The following PHF21B variants were observed in gnomAD, a reference collection of about 807,000 sequenced individuals.
PHF21B encodes the protein PHD finger protein 21B.
Under a neutral mutation model 62.2 loss-of-function variants are expected in PHF21B, and 22 were observed. The ratio of observed to expected loss-of-function variants is 0.35; its 90% CI spans 0.25 to 0.51. The LOEUF (loss-of-function observed/expected upper bound fraction) is 0.51, where lower values mean the gene tolerates loss of function less well. Among genes scored for constraint, PHF21B ranks in the 20% least tolerant of loss-of-function variants. PHF21B has a pLI of 0.97. For missense variants in PHF21B, 701 were observed against 707.9 expected, an observed-to-expected ratio of 0.99 and a Z score of 0.11; for synonymous variants, 341 against 314.7, an observed-to-expected ratio of 1.08 and a Z score of -0.88.
intron 2 of PHF21B, among the ~76,000 whole-genome samples, chr22:44,933,270 C>A (rs904559204): frequency 3.3e-5 from 5 of 152,202 alleles, no homozygotes; most frequent in Admixed American, 1.3e-4. Context: ...TGCCACCACG[C>A]CTGGCTAATT....
chr22:44,894,739 G>A (rs2071026924), intron 6 of PHF21B, among the ~76,000 whole-genome samples: 1 of 152,180 alleles, frequency 6.6e-6, no homozygotes, highest in African/African-American at 2.4e-5. Flanking sequence ...GCTCTTCCCT[G>A]GCTCTCCCCA....
chr22:44,905,703 A>T (rs993602074), intron 5 of PHF21B, among the ~76,000 whole-genome samples: 10 of 152,028 alleles, frequency 6.6e-5, no homozygotes, highest in Admixed American at 5.9e-4. Flanking sequence ...ATCTCAGCTC[A>T]CTGCAAGCTC....
At chr22:44,955,720 CAG>C (rs1347648861) in intron 2 of PHF21B, among the ~76,000 whole-genome samples, 1 of 152,176 alleles carries the variant, frequency 6.6e-6, no homozygotes, top group Non-Finnish European at 1.5e-5. Context: ...ACCGGCGTTC[CAG>C]AGTCTCCAGT....
At chr22:44,971,542 C>T (rs2072638561) in intron 2 of PHF21B, 2 of 152,570 alleles carry the variant, frequency 1.3e-5, no homozygotes, top group South Asian at 2.1e-4. Context: ...TTTGCTCTCC[C>T]GGGTACCTGC....
chr22:44,884,391 AT>A (rs1278812439), intron 12 of PHF21B, among the ~76,000 whole-genome samples: 4 of 42,860 alleles, frequency 9.3e-5, no homozygotes, highest in Non-Finnish European at 2.3e-4. Context: ...CATCACGGTG[AT>A]GAGCACCATC....
intron 2 of PHF21B, among the ~76,000 whole-genome samples, chr22:44,974,149 C>T (rs895603793): frequency 4.6e-5 from 7 of 152,100 alleles, no homozygotes; most frequent in African/African-American, 1.7e-4. Flanking sequence ...TGCGGTGGCT[C>T]ACGTCTGTAA....
chr22:44,898,714 T>C (rs1225910508), intron 5 of PHF21B, among the ~76,000 whole-genome samples: 1 of 152,238 alleles, frequency 6.6e-6, no homozygotes, highest in Non-Finnish European at 1.5e-5. Flanking sequence ...TTTTGATTGT[T>C]TGGATCCTGG....
intron 2 of PHF21B, among the ~76,000 whole-genome samples, chr22:44,982,277 T>C (rs1452861272): frequency 6.6e-6 from 1 of 152,188 alleles, no homozygotes; most frequent in Admixed American, 6.5e-5. Flanking sequence ...TGACCCAGTA[T>C]GAGTACTTTG....
intron 5 of PHF21B, among the ~76,000 whole-genome samples, chr22:44,900,420 T>C (rs573629000): frequency 3.3e-5 from 5 of 152,156 alleles, no homozygotes; most frequent in Admixed American, 1.3e-4. Flanking sequence ...CCTGCCTCAG[T>C]CTCCCGAGTA....
chr22:45,008,311 T>G, intron 2 of PHF21B: 4 of 369,180 alleles, frequency 1.1e-5, no homozygotes, highest in Non-Finnish European at 1.4e-5. Context: ...CGCGCTGCCT[T>G]TTAAGTGAGC....
At chr22:44,902,717 A>G (rs181820380) in intron 5 of PHF21B, among the ~76,000 whole-genome samples, 14 of 152,124 alleles carry the variant, frequency 9.2e-5, no homozygotes, top group African/African-American at 3.4e-4. Flanking sequence ...TGATTGTTTC[A>G]TTAAGTTTTT....
chr22:44,924,624 C>A (rs1030245615), intron 2 of PHF21B, among the ~76,000 whole-genome samples: 1 of 152,184 alleles, frequency 6.6e-6, no homozygotes, highest in African/African-American at 2.4e-5. Flanking sequence ...CATCAGCAAA[C>A]CAGGAATAGA....
intron 12 of PHF21B, among the ~76,000 whole-genome samples, chr22:44,883,523 T>C (rs1413575377): frequency 6.6e-6 from 1 of 152,164 alleles, no homozygotes; most frequent in African/African-American, 2.4e-5. Flanking sequence ...AGAAAAAGTG[T>C]GGCTCTGCCT....
At chr22:44,971,364 G>A (rs1341457693) in intron 2 of PHF21B, 2 of 152,092 alleles carry the variant, frequency 1.3e-5, no homozygotes, top group African/African-American at 4.8e-5. Context: ...ATAAAGCATT[G>A]GTGCCTGGTA....
chr22:44,963,696 C>T (rs1327781002), intron 2 of PHF21B, among the ~76,000 whole-genome samples: 1 of 152,222 alleles, frequency 6.6e-6, no homozygotes, highest in East Asian at 1.9e-4. Context: ...CCATGTGGGG[C>T]TGAGTCCCAT....
At chr22:45,005,806 T>A (rs1258219683) in intron 2 of PHF21B, among the ~76,000 whole-genome samples, 1 of 152,160 alleles carries the variant, frequency 6.6e-6, no homozygotes, top group African/African-American at 2.4e-5. Context: ...AGCGTTTCCC[T>A]AAGCGACTCT....
At chr22:44,886,096 A>G (rs2070852403) in intron 10 of PHF21B, among the ~76,000 whole-genome samples, 158 bp from the exon 11 acceptor site, 1 of 152,154 alleles carries the variant, frequency 6.6e-6, no homozygotes, top group Admixed American at 6.5e-5. Context: ...CTCATGGCCC[A>G]GCTCACAGGG....
intron 2 of PHF21B, among the ~76,000 whole-genome samples, chr22:44,928,094 A>G (rs532926600): frequency 2.5e-4 from 38 of 152,240 alleles, no homozygotes; most frequent in African/African-American, 8.9e-4. Context: ...TCTGTCTTTA[A>G]TAAATGTTTC....
intron 2 of PHF21B, among the ~76,000 whole-genome samples, chr22:45,007,441 G>C (rs959194868): frequency 2.3e-3 from 345 of 150,138 alleles, no homozygotes; most frequent in Non-Finnish European, 4.1e-3. Flanking sequence ...GGGCAGGCCC[G>C]GGCGGGGGCG....
Sources: allele counts gnomAD v4.1 joint callset (sites outside exome capture counted in the v4.1 genomes callset), GRCh38; gene constraint gnomAD v4.1.1; transcripts MANE v1.5; gene names NCBI Gene and HGNC (gene_info 2026-07-23, HGNC 2026-07-21).